SORCS3: variants seen among roughly 807,000 people sequenced by gnomAD.
The protein encoded by SORCS3 is VPS10 domain-containing receptor SorCS3.
A neutral mutation model predicts 146.3 loss-of-function variants in SORCS3; 57 were observed. The ratio of observed to expected loss-of-function variants is 0.39; its 90% CI spans 0.31 to 0.49. The LOEUF (loss-of-function observed/expected upper bound fraction) is 0.49, where lower values mean the gene tolerates loss of function less well. Among genes scored for constraint, SORCS3 ranks in the 20% least tolerant of loss-of-function variants. The pLI is 0.92. For synonymous variants in SORCS3, 653 were observed against 618.5 expected, an observed-to-expected ratio of 1.06 and a Z score of -0.83; for missense variants, 1,341 against 1,575.5, an observed-to-expected ratio of 0.85 and a Z score of 2.52.
At chr10:104,646,107 G>C (rs1223903640) in intron 1 of SORCS3, among the ~76,000 whole-genome samples, 1 of 152,228 alleles carries the variant, frequency 6.6e-6, no homozygotes, top group Admixed American at 6.5e-5. Context: ...GGTACTAATT[G>C]CTCCTGGTCA....
rs375001896 is a variant in SORCS3, at chr10:105,161,209, T to G, written c.1732+2215T>G. 3.3e-5 allele frequency among the ~76,000 whole-genome samples: 5 copies of G among 152,334 alleles called. 1 individual carries two copies. The highest frequency in any genetic ancestry group is 2.0e-4 in the Admixed American group (3 of 15,302). ...ATCTTTGGGAGGGATATAACTCAGC[T>G]GATGAGATCCTGATGAAAAGCCAGG... On this transcript the variant is annotated intron_variant, in intron 11 of 26. Transcript: ENST00000369701.
intron 14 of SORCS3, 89 bp from the exon 15 acceptor site, chr10:105,199,910 T>C (rs1226323583): frequency 1.1e-6 from 1 of 926,082 alleles, no homozygotes; most frequent in Non-Finnish European, 1.7e-6. Context: ...CTGCAGTGAA[T>C]CTCTATCTCC....
At chr10:104,875,517 T>C (rs2018562569) in intron 2 of SORCS3, among the ~76,000 whole-genome samples, 1 of 152,198 alleles carries the variant, frequency 6.6e-6, no homozygotes, top group Admixed American at 6.6e-5. Flanking sequence ...TGAGTGTATG[T>C]AGTCTCTGAA....
intron 14 of SORCS3, among the ~76,000 whole-genome samples, chr10:105,181,766 A>C (rs1484240): frequency 0.41 from 63,053 of 151,992 alleles, 13,272 homozygotes; most frequent in South Asian, 0.53. Flanking sequence ...GGACAGGCTG[A>C]CTGACAAGCT....
At chr10:104,884,964 C>T (rs2018668058) in intron 2 of SORCS3, among the ~76,000 whole-genome samples, 1 of 152,044 alleles carries the variant, frequency 6.6e-6, no homozygotes, top group East Asian at 1.9e-4. Context: ...TTTTCTCACA[C>T]TATTTATTCT....
chr10:104,712,528 A>C (rs1433407871), intron 1 of SORCS3, among the ~76,000 whole-genome samples: 1 of 152,078 alleles, frequency 6.6e-6, no homozygotes, highest in Non-Finnish European at 1.5e-5. Flanking sequence ...GTTGGGGGAG[A>C]GCTGTAGAGG....
At chr10:104,740,278 A>G (rs2016826042) in intron 1 of SORCS3, among the ~76,000 whole-genome samples, 1 of 152,154 alleles carries the variant, frequency 6.6e-6, no homozygotes, top group South Asian at 2.1e-4. Context: ...CTCATGTACT[A>G]CCGAGTTAAA....
intron 1 of SORCS3, among the ~76,000 whole-genome samples, chr10:104,773,353 A>G (rs554250617): frequency 6.6e-6 from 1 of 152,358 alleles, no homozygotes; most frequent in Non-Finnish European, 1.5e-5. Flanking sequence ...TCCCAGCTGC[A>G]GTGGTATGCT....
At chr10:104,873,099 G>A (rs1013070103) in intron 2 of SORCS3, among the ~76,000 whole-genome samples, 4 of 152,226 alleles carry the variant, frequency 2.6e-5, no homozygotes, top group African/African-American at 9.6e-5. Flanking sequence ...GCAGCAGAGA[G>A]CTGGTCACAC....
chr10:105,015,822 C>T (rs1439968937), intron 4 of SORCS3, among the ~76,000 whole-genome samples: 4 of 152,062 alleles, frequency 2.6e-5, no homozygotes, highest in East Asian at 3.9e-4. Flanking sequence ...CTCCACCTCC[C>T]GGGTTTAAGC....
chr10:105,107,066 C>G (rs570561033), intron 7 of SORCS3, among the ~76,000 whole-genome samples: 1 of 152,122 alleles, frequency 6.6e-6, no homozygotes, highest in Non-Finnish European at 1.5e-5. Flanking sequence ...TATCAAATAA[C>G]CAACTCAGGA....
chr10:105,239,720 G>T (rs1192740389), intron 20 of SORCS3, among the ~76,000 whole-genome samples: 1 of 152,168 alleles, frequency 6.6e-6, no homozygotes, highest in Non-Finnish European at 1.5e-5. Flanking sequence ...GCTCTGAAAG[G>T]CCAATTTGCT....
chr10:105,173,948 G>T (rs1476774244), intron 13 of SORCS3, among the ~76,000 whole-genome samples: 1 of 152,084 alleles, frequency 6.6e-6, no homozygotes, highest in African/African-American at 2.4e-5. Context: ...GTAGCTGTTT[G>T]GTGACTATCA....
At chr10:104,874,235 C>CGG (rs202013346) in intron 2 of SORCS3, among the ~76,000 whole-genome samples, 1 of 42,738 alleles carries the variant, frequency 2.3e-5, no homozygotes, top group Non-Finnish European at 3.7e-5. Context: ...TGGGCATTTT[C>CGG]AGAGTTTCTA....
At chr10:104,854,631 C>T (rs1179632645) in intron 2 of SORCS3, among the ~76,000 whole-genome samples, 1 of 152,076 alleles carries the variant, frequency 6.6e-6, no homozygotes, top group Non-Finnish European at 1.5e-5. Context: ...GTTTGTCTAT[C>T]TGCCCTCATA....
intron 1 of SORCS3, among the ~76,000 whole-genome samples, chr10:104,836,624 G>T (rs142083999): frequency 1.3e-5 from 2 of 151,976 alleles, no homozygotes; most frequent in Admixed American, 6.6e-5. Context: ...TATTGTCACC[G>T]CCCTCTTCAC....
chr10:105,175,214 A>AT (rs71482448), intron 13 of SORCS3, among the ~76,000 whole-genome samples: 18,037 of 134,500 alleles, frequency 0.13, 1,330 homozygotes, highest in Middle Eastern at 0.2. Flanking sequence ...TGCTTGGCTA[A>AT]TTTTTTTTTT....
chr10:105,175,775 G>C (rs934522938), intron 13 of SORCS3, among the ~76,000 whole-genome samples: 1 of 152,152 alleles, frequency 6.6e-6, no homozygotes, highest in African/African-American at 2.4e-5. Context: ...ATTCAAGACA[G>C]ATGATGATAA....
At chr10:104,930,402 C>T (rs2019195187) in intron 3 of SORCS3, among the ~76,000 whole-genome samples, 2 of 152,142 alleles carry the variant, frequency 1.3e-5, no homozygotes, top group South Asian at 4.1e-4. Context: ...GGTACCATGA[C>T]CCTCTAGAAC....
Sources: gnomAD v4.1 joint callset for allele counts (sites outside exome capture counted in the v4.1 genomes callset) on GRCh38, gnomAD v4.1.1 for gene constraint, MANE v1.5 for transcripts, NCBI Gene and HGNC (gene_info 2026-07-23, HGNC 2026-07-21) for gene names.